The following ENPP2 variants were observed in gnomAD, a reference collection of about 807,000 sequenced individuals.
The protein encoded by ENPP2 is autotaxin.
In ENPP2, 51 loss-of-function variants were observed where a neutral mutation model predicts 120.2. That is an observed-to-expected ratio of 0.42 (90% confidence interval 0.34 to 0.54). The LOEUF is 0.54. ENPP2 is among the 20% of genes least tolerant of loss of function. The pLI is 0.04. For synonymous variants in ENPP2, 365 were observed against 366.4 expected, an observed-to-expected ratio of 1.00 and a Z score of 0.04; for missense variants, 920 against 1,066.5, an observed-to-expected ratio of 0.86 and a Z score of 1.91.
intron 13 of ENPP2, among the ~76,000 whole-genome samples, chr8:119,587,425 A>T (rs1813191464): frequency 6.6e-6 from 1 of 152,172 alleles, no homozygotes; most frequent in Non-Finnish European, 1.5e-5. Flanking sequence ...TTGCAGTTTG[A>T]CCTCAGGAAC....
chr8:119,672,396 G>A (rs1318441810), intron 1 of ENPP2, among the ~76,000 whole-genome samples: 4 of 152,132 alleles, frequency 2.6e-5, no homozygotes, highest in African/African-American at 9.7e-5. Flanking sequence ...CCCTCTATCA[G>A]TGAGAAGCGG....
At chr8:119,571,046 T>A (rs1363711004) in intron 19 of ENPP2, 1 of 375,504 alleles carries the variant, frequency 2.7e-6, no homozygotes, top group Non-Finnish European at 4.7e-6. Flanking sequence ...GCTTTACAGT[T>A]ATCAAAACCA....
At chr8:119,577,693 G>A (rs1812438423) in intron 19 of ENPP2, among the ~76,000 whole-genome samples, 2 of 152,188 alleles carry the variant, frequency 1.3e-5, no homozygotes. Flanking sequence ...AGCTATTCTA[G>A]ATTCCCCCCT....
At chr8:119,614,439 G>T (rs971655084) in intron 8 of ENPP2, among the ~76,000 whole-genome samples, 2 of 152,106 alleles carry the variant, frequency 1.3e-5, no homozygotes, top group Admixed American at 1.3e-4. Flanking sequence ...ACAAATCTTG[G>T]TCAGCATGAG....
chr8:119,571,128 C>T (rs1814939631), intron 19 of ENPP2: 2 of 211,524 alleles, frequency 9.5e-6, no homozygotes, highest in Non-Finnish European at 1.8e-5. Context: ...ATAAAGGAAA[C>T]ATTATGTAAT....
intron 22 of ENPP2, among the ~76,000 whole-genome samples, chr8:119,566,774 T>G (rs1814485535): frequency 1.3e-5 from 2 of 152,206 alleles, no homozygotes; most frequent in African/African-American, 4.8e-5. Flanking sequence ...GAACCCTGAT[T>G]TGCAGAAATT....
intron 8 of ENPP2, among the ~76,000 whole-genome samples, chr8:119,615,981 A>G (rs909238894): frequency 2.6e-5 from 4 of 152,210 alleles, no homozygotes; most frequent in East Asian, 3.9e-4. Context: ...ATGTATACAT[A>G]CATGTATATT....
chr8:119,645,867 C>T lies in ENPP2; in HGVS notation c.22-7340G>A, dbSNP rs116134918. Among the ~76,000 whole-genome samples, 1,034 of 151,980 alleles carry T rather than the reference C, an allele frequency of 6.8e-3. 9 individuals are homozygous for T. The highest frequency in any genetic ancestry group is 0.024 in the African/African-American group (999 of 41,448). On this transcript the variant is annotated intron_variant, in intron 1 of 25. Coordinates refer to the ENPP2 transcript ENST00000427067. ...TAACTGCTCTTCCTGTTTGTACTCT[C>T]TGTCCCCTCTGACCACCATTTCATT...
intron 7 of ENPP2, among the ~76,000 whole-genome samples, 170 bp downstream of exon 7, chr8:119,616,994 A>T (rs1815500313): frequency 6.6e-6 from 1 of 152,360 alleles, no homozygotes; most frequent in East Asian, 1.9e-4. Context: ...TCCATCACCC[A>T]CAAAGTTGTA....
intron 2 of ENPP2, among the ~76,000 whole-genome samples, chr8:119,631,046 C>T (rs569159620): frequency 1.2e-3 from 175 of 151,744 alleles, no homozygotes; most frequent in African/African-American, 4.2e-3. Flanking sequence ...AGGCACCCGC[C>T]ACTATGCCCG....
chr8:119,658,525 AC>A (rs1172018362), intron 1 of ENPP2, among the ~76,000 whole-genome samples: 1 of 152,096 alleles, frequency 6.6e-6, no homozygotes, highest in Non-Finnish European at 1.5e-5. Context: ...CTAGGTTCAA[AC>A]CTCAGCACTG....
In ENPP2 at chr8:119,580,187, TA is replaced by T; in HGVS notation, c.1729-21del. 1 of 1,603,602 alleles carries T rather than the reference TA, an allele frequency of 6.2e-7. No homozygotes were observed. Among genetic ancestry groups the T allele is most frequent in the Non-Finnish European group, 8.5e-7 (1 of 1,170,560 alleles). ...CTTGTTCTTCATGTGTGAAAACCAG[TA>T]AAGGAAAAAAGAAAGCAAATCAGAA... is the stretch of plus-strand genomic sequence containing the variant. On this transcript the variant is annotated intron_variant, in intron 18 of 24. Coordinates refer to ENST00000075322, the MANE Select transcript of ENPP2 (RefSeq NM_001040092.3).
chr8:119,645,442 A>G (rs1250775532), intron 1 of ENPP2, among the ~76,000 whole-genome samples: 1 of 152,150 alleles, frequency 6.6e-6, no homozygotes, highest in Non-Finnish European at 1.5e-5. Flanking sequence ...GCCATCCTTT[A>G]TCAGGTGCTG....
At position 119,628,838 on chromosome 8, in the gene ENPP2, G is replaced by A. The variant is rs149479373; in HGVS notation, c.137-2118C>T. ...CAAGTTTGCATCACGTTTTTAAAAT[G>A]CAGGTGTGAACAAACTTTTTCCTTC... On this transcript the variant is annotated intron_variant, in intron 2 of 24. Coordinates refer to ENST00000075322, the MANE Select transcript of ENPP2 (RefSeq NM_001040092.3). Among the ~76,000 whole-genome samples, 1,071 of 152,240 alleles carry A rather than the reference G, an allele frequency of 7.0e-3. 12 individuals carry two copies. Among genetic ancestry groups the A allele is most frequent in the African/African-American group, 0.025 (1,035 of 41,544 alleles).
chr8:119,631,779 T>C (rs1162344588), intron 2 of ENPP2, among the ~76,000 whole-genome samples: 1 of 152,142 alleles, frequency 6.6e-6, no homozygotes, highest in Non-Finnish European at 1.5e-5. Flanking sequence ...CTTCATATTC[T>C]TTTTTTAATC....
intron 9 of ENPP2, among the ~76,000 whole-genome samples, chr8:119,604,550 C>G (rs9297599): frequency 0.52 from 77,287 of 149,698 alleles, 20,055 homozygotes; most frequent in South Asian, 0.71. Flanking sequence ...CTGATTGATG[C>G]AGAATTTGTC....
chr8:119,573,899 C>G (rs980988176), intron 19 of ENPP2, among the ~76,000 whole-genome samples: 8 of 152,142 alleles, frequency 5.3e-5, no homozygotes, highest in African/African-American at 9.7e-5. Context: ...AGCTGGAACA[C>G]AAAAGTATCA....
At chr8:119,637,557 C>G (rs912148817) in intron 2 of ENPP2, among the ~76,000 whole-genome samples, 2 of 152,080 alleles carry the variant, frequency 1.3e-5, no homozygotes, top group Non-Finnish European at 2.9e-5. Flanking sequence ...TACAGAGAAA[C>G]ACAAAATTCA....
intron 23 of ENPP2, 104 bp downstream of exon 23, chr8:119,564,719 T>G: frequency 1.3e-6 from 1 of 784,822 alleles, no homozygotes; most frequent in Non-Finnish European, 1.9e-6. Flanking sequence ...TTCAAAAAAC[T>G]TAAGGGGTGT....
Sources: gnomAD v4.1 joint callset for allele counts (sites outside exome capture counted in the v4.1 genomes callset) on GRCh38, gnomAD v4.1.1 for gene constraint, MANE v1.5 for transcripts, NCBI Gene and HGNC (gene_info 2026-07-23, HGNC 2026-07-21) for gene names.